KCNH5: variants seen among roughly 807,000 people sequenced by gnomAD.
KCNH5 encodes potassium voltage-gated channel subfamily H member 5.
A neutral mutation model predicts 96.1 loss-of-function variants in KCNH5; 46 were observed. The ratio of observed to expected loss-of-function variants is 0.48; its 90% CI spans 0.38 to 0.61. KCNH5 has a LOEUF of 0.61. Ranked by LOEUF, KCNH5 falls within the 20% of genes least tolerant of loss-of-function variation. KCNH5 has a pLI of 0.00. For synonymous variants in KCNH5, 439 were observed against 449.8 expected, an observed-to-expected ratio of 0.98 and a Z score of 0.30; for missense variants, 907 against 1,225.8, an observed-to-expected ratio of 0.74 and a Z score of 3.88.
At chr14:62,734,909 G>A (rs1051459889) in intron 10 of KCNH5, among the ~76,000 whole-genome samples, 3 of 151,942 alleles carry the variant, frequency 2.0e-5, no homozygotes, top group Admixed American at 6.6e-5. Context: ...AAATATATAC[G>A]TTGAAACATT....
rs1884415909 is a variant in KCNH5, at chr14:62,705,653, G to C, written c.*1855C>G. On this transcript the variant is annotated 3_prime_UTR_variant, in exon 11 of 11. Transcript: ENST00000322893. ...TATGTTTTGAGACTCCTAGATTAAAGAGGCACATCTTGTGGGCATGTGAAG... is the reference window on the plus strand; with the variant it reads ...TATGTTTTGAGACTCCTAGATTAAACAGGCACATCTTGTGGGCATGTGAAG... 1.3e-5 allele frequency: 2 copies of C among 152,006 alleles called. No homozygotes were observed. The highest frequency in any genetic ancestry group is 4.1e-4 in the South Asian group (2 of 4,830). 9.4% of individuals were successfully genotyped at this position (152,006 alleles called of 1,614,324 possible). A position where few individuals can be genotyped will look rare whatever the true frequency, so the allele number is the denominator to read the frequency against.
rs111678196 is a variant in KCNH5, at chr14:62,917,337, C to T, written c.1369+32796G>A. Among the ~76,000 whole-genome samples the T allele has an allele frequency of 5.2e-3, 777 of 149,970 alleles. 3 individuals carry two copies. The highest frequency in any genetic ancestry group is 0.018 in the African/African-American group (748 of 40,622). Reference sequence around the variant, plus strand: ...TATCTTTAAAGAGGGACATAAAAGGCAGAAATGGTTTGTTAGGTTTTTTTT... The same window carrying T: ...TATCTTTAAAGAGGGACATAAAAGGTAGAAATGGTTTGTTAGGTTTTTTTT... On this transcript the variant is annotated intron_variant, in intron 7 of 10. Coordinates refer to ENST00000322893, the MANE Select transcript of KCNH5 (RefSeq NM_139318.5).
rs796256359 is a variant in KCNH5, at chr14:62,969,303, G to A, written c.942+11569C>T. On this transcript the variant is annotated intron_variant, in intron 6 of 10. Transcript: ENST00000322893. ...ATTTACAGCTTTGAATACATATGCTGGAAAAGAAGAAAAATCTAAAATCAA... is the reference window on the plus strand; with the variant it reads ...ATTTACAGCTTTGAATACATATGCTAGAAAAGAAGAAAAATCTAAAATCAA... Among the ~76,000 whole-genome samples the A allele has an allele frequency of 7.9e-5, 12 of 152,102 alleles. 1 individual carries two copies. Among genetic ancestry groups the A allele is most frequent in the African/African-American group, 2.9e-4 (12 of 41,506 alleles).
rs544187173 is a variant in KCNH5 at position 62,826,843 on chromosome 14, C to T, written c.1569+22810G>A. On this transcript the variant is annotated intron_variant, in intron 8 of 10. Coordinates refer to ENST00000322893, the MANE Select transcript of KCNH5 (RefSeq NM_139318.5). ...CTTTCATCATATGTATTTTACTTTACTATTTTTTCTGTATTTTATAAAAAT... is the reference window on the plus strand; with the variant it reads ...CTTTCATCATATGTATTTTACTTTATTATTTTTTCTGTATTTTATAAAAAT... Among the ~76,000 whole-genome samples the T allele has an allele frequency of 2.0e-5, 3 of 151,804 alleles. No homozygotes were observed. The East Asian group carries it at 5.8e-4, about 29-fold the overall frequency.
chr14:62,924,814 G>T (rs1308150862), intron 7 of KCNH5, among the ~76,000 whole-genome samples: 2 of 151,866 alleles, frequency 1.3e-5, no homozygotes, highest in South Asian at 4.1e-4. Context: ...TTAGAAGTGG[G>T]GGAAATGGGG....
intron 7 of KCNH5, among the ~76,000 whole-genome samples, chr14:62,914,658 C>T (rs138865239): frequency 6.6e-6 from 1 of 152,242 alleles, no homozygotes; most frequent in Admixed American, 6.5e-5. Flanking sequence ...GCCCCTTCCA[C>T]CATGTGAGGA....
At chr14:62,716,003 G>C (rs1380821666) in intron 10 of KCNH5, among the ~76,000 whole-genome samples, 1 of 152,148 alleles carries the variant, frequency 6.6e-6, no homozygotes, top group East Asian at 1.9e-4. Context: ...AATGTTCTAA[G>C]CGTCATTTTC....
chr14:63,021,764 T>A lies in KCNH5; in HGVS notation c.74-4810A>T, dbSNP rs373081390. Among the ~76,000 whole-genome samples the A allele has an allele frequency of 4.3e-4, 66 of 152,228 alleles. 5 individuals carry two copies. The South Asian group carries it at 5.2e-3, about 12-fold the overall frequency. ...CACAGGATGCTTTTCACTCATTTCA[T>A]AACAATTCAGAAGCGTTGGTAACCA... On this transcript the variant is annotated intron_variant, in intron 1 of 10. Transcript: ENST00000322893.
chr14:62,793,989 C>A (rs955225621), intron 9 of KCNH5, among the ~76,000 whole-genome samples: 33 of 151,998 alleles, frequency 2.2e-4, no homozygotes, highest in African/African-American at 7.9e-4. Flanking sequence ...CTTCCATAAC[C>A]CAGATGAAAG....
chr14:63,007,424 A>T (rs959516690), intron 2 of KCNH5, among the ~76,000 whole-genome samples: 1 of 152,190 alleles, frequency 6.6e-6, no homozygotes, highest in African/African-American at 2.4e-5. Flanking sequence ...TAAATGACTC[A>T]TAAGTTTTTT....
chr14:63,026,558 A>G (rs1254807816), intron 1 of KCNH5, among the ~76,000 whole-genome samples: 1 of 152,156 alleles, frequency 6.6e-6, no homozygotes, highest in Non-Finnish European at 1.5e-5. Context: ...ATGAATAGAC[A>G]TTCCTCAAAA....
chr14:63,045,302 G>A lies in KCNH5; in HGVS notation c.-116C>T. The stretch of plus-strand genomic sequence containing the variant: ...GAGAAGATTGAGCCGAAAGAAGAGG[G>A]GGCGCGGCGGCGGCGACGGGGTCCC... On this transcript the variant is annotated 5_prime_UTR_variant, in exon 1 of 11. Transcript: ENST00000322893. 4 of 850,458 alleles carry A rather than the reference G, an allele frequency of 4.7e-6. No homozygotes were observed. The highest frequency in any genetic ancestry group is 4.4e-5 in the South Asian group (3 of 68,184). The allele number at this position is 850,458 out of a possible 1,614,324, so 52.7% of individuals were successfully genotyped here. A position where few individuals can be genotyped will look rare whatever the true frequency, so the allele number is the denominator to read the frequency against.
intron 10 of KCNH5, among the ~76,000 whole-genome samples, chr14:62,752,685 G>A (rs985798579): frequency 2.0e-5 from 3 of 152,086 alleles, no homozygotes; most frequent in Non-Finnish European, 4.4e-5. Context: ...TCAATGGAGG[G>A]ACCTGGTGGG....
chr14:62,970,476 T>A (rs768566703), intron 6 of KCNH5, among the ~76,000 whole-genome samples: 1 of 152,196 alleles, frequency 6.6e-6, no homozygotes, highest in African/African-American at 2.4e-5. Flanking sequence ...AATACTTTCT[T>A]GTGCATTTTA....
chr14:62,770,398 G>A (rs1433152173), intron 10 of KCNH5, among the ~76,000 whole-genome samples: 2 of 152,136 alleles, frequency 1.3e-5, no homozygotes, highest in Non-Finnish European at 2.9e-5. Context: ...CTGTGCTAAT[G>A]CCAGAGTGAA....
At chr14:62,762,731 GGTGGCTATTCTAATT>G (rs1351462182) in intron 10 of KCNH5, among the ~76,000 whole-genome samples, 1 of 151,412 alleles carries the variant, frequency 6.6e-6, no homozygotes, top group Non-Finnish European at 1.5e-5. Flanking sequence ...CAAACACAGA[GGTGGCTATTCTAATT>G]TCAAAAAAAA....
chr14:63,005,354 A>G (rs148860362), intron 3 of KCNH5, among the ~76,000 whole-genome samples: 3 of 152,358 alleles, frequency 2.0e-5, no homozygotes, highest in South Asian at 4.1e-4. Flanking sequence ...TCGAATTTTA[A>G]TTCCAAATAT....
chr14:62,772,411 G>A (rs950997032), intron 10 of KCNH5, among the ~76,000 whole-genome samples: 13 of 152,002 alleles, frequency 8.6e-5, no homozygotes, highest in Admixed American at 3.9e-4. Context: ...AGCTGAGATG[G>A]GCAGATCACC....
chr14:62,949,964 T>C (rs914477188), intron 7 of KCNH5, 169 bp downstream of exon 7: 10 of 610,654 alleles, frequency 1.6e-5, no homozygotes, highest in African/African-American at 5.6e-5. Flanking sequence ...GAGTAAAATA[T>C]ATTATTTTGC....
Sources: gnomAD v4.1 joint callset for allele counts (sites outside exome capture counted in the v4.1 genomes callset) on GRCh38, gnomAD v4.1.1 for gene constraint, MANE v1.5 for transcripts, NCBI Gene and HGNC (gene_info 2026-07-23, HGNC 2026-07-21) for gene names.